Variants in MND1 observed in about 807,000 individuals in gnomAD.
MND1 encodes the protein meiotic nuclear divisions 1.
A neutral mutation model predicts 35.1 loss-of-function variants in MND1; 28 were observed. That is an observed-to-expected ratio of 0.80 (90% CI 0.59 to 1.09). The LOEUF is 1.09. Among genes scored for constraint, MND1 ranks in the 50% least tolerant of loss-of-function variants. The pLI, the probability that MND1 is intolerant of heterozygous loss-of-function variation, is 0.00. For missense variants in MND1, 213 were observed against 239.6 expected, an observed-to-expected ratio of 0.89 and a Z score of 0.73; for synonymous variants, 69 against 70.5, an observed-to-expected ratio of 0.98 and a Z score of 0.11.
At position 153,346,089 on chromosome 4, in the gene MND1, A is replaced by G. The variant is rs1336975963; in HGVS notation, c.3+1349A>G. ...TAAGATGTGGACTTCCTATTTTTTA[A>G]TATGTGATCGAGAAATAAATTTAGT... On this transcript the variant is annotated intron_variant, in intron 1 of 7. Coordinates refer to ENST00000240488, the MANE Select transcript of MND1 (RefSeq NM_032117.4). Among the ~76,000 whole-genome samples the G allele has an allele frequency of 2.0e-5, 3 of 152,238 alleles. No individual in the cohort carries two copies. The East Asian group carries it at 5.8e-4, about 29-fold the overall frequency.
At position 153,348,139 on chromosome 4, in the gene MND1, A is replaced by C. The variant is rs535946803; in HGVS notation, c.4-1925A>C. 2.0e-5 allele frequency among the ~76,000 whole-genome samples: 3 copies of C among 152,328 alleles called. No homozygotes were observed. In the South Asian group the frequency reaches 6.2e-4, roughly 32 times the overall value. ...CCTGAATGAGGCAGTGGTAGTAGAG[A>C]TAGAACAGACAGGACAGATAAGAGA... On this transcript the variant is annotated intron_variant, in intron 1 of 7. Transcript: ENST00000240488.
chr4:153,411,784 A>G (rs934707314), intron 7 of MND1, among the ~76,000 whole-genome samples: 1 of 152,152 alleles, frequency 6.6e-6, no homozygotes, highest in African/African-American at 2.4e-5. Context: ...CATGAAGCCT[A>G]TCCTGTAAGC....
Position 153,408,999 on chromosome 4 carries a change from TG to T in MND1, c.496del (p.Ala166LeufsTer11). 1 of 1,394,084 alleles carries T rather than the reference TG, an allele frequency of 7.2e-7. No individual in the cohort carries two copies. Among genetic ancestry groups the T allele is most frequent in the South Asian group, 2.0e-5 (1 of 50,536 alleles). 86.4% of individuals were successfully genotyped at this position (1,394,084 alleles called of 1,614,324 possible). A position where few individuals can be genotyped will look rare whatever the true frequency, so the allele number is the denominator to read the frequency against. The stretch of plus-strand genomic sequence containing the variant: ...AAGCAAATAAAGTAGCCAAAGAAGC[TG>T]CTAACAGATGGACTGGTATGTACTA... ...RQANKVAKEA[A>X]NRWTDNIFAI... On this transcript the variant is annotated frameshift_variant, in exon 7 of 8. Coordinates refer to ENST00000240488, the MANE Select transcript of MND1 (RefSeq NM_032117.4). LOFTEE classifies it high-confidence loss of function.
intron 4 of MND1, among the ~76,000 whole-genome samples, chr4:153,391,352 A>G (rs551455252): frequency 1.4e-4 from 22 of 151,990 alleles, no homozygotes; most frequent in Non-Finnish European, 2.2e-4. Context: ...TAGTAGAGAC[A>G]GGGTTTCCCC....
At chr4:153,357,213 T>A (rs1327945728) in intron 3 of MND1, among the ~76,000 whole-genome samples, 2 of 152,216 alleles carry the variant, frequency 1.3e-5, no homozygotes, top group African/African-American at 4.8e-5. Flanking sequence ...TACATACAAG[T>A]GAAACCAGAC....
chr4:153,390,739 T>C (rs1417758786), intron 4 of MND1, among the ~76,000 whole-genome samples: 1 of 151,992 alleles, frequency 6.6e-6, no homozygotes, highest in African/African-American at 2.4e-5. Context: ...TTCCAGCTAC[T>C]TGGGAGGCTG....
At chr4:153,363,731 T>C (rs1231396551) in intron 4 of MND1, among the ~76,000 whole-genome samples, 2 of 152,160 alleles carry the variant, frequency 1.3e-5, no homozygotes, top group Non-Finnish European at 2.9e-5. Context: ...AGTTCGGACC[T>C]ACCTAAGAGG....
chr4:153,409,515 C>T (rs115294091), intron 7 of MND1, among the ~76,000 whole-genome samples: 2,094 of 152,062 alleles, frequency 0.014, 47 homozygotes, highest in African/African-American at 0.048. Context: ...AAAACTAAGA[C>T]CCTCAGGAGT....
At chr4:153,350,240 T>C (rs1773181081) in intron 2 of MND1, 111 bp downstream of exon 2, 2 of 720,044 alleles carry the variant, frequency 2.8e-6, no homozygotes, top group Non-Finnish European at 4.6e-6. Flanking sequence ...ATCAATTTCT[T>C]GAAGAATGGG....
chr4:153,346,675 G>A (rs1455765792), intron 1 of MND1, among the ~76,000 whole-genome samples: 3 of 152,196 alleles, frequency 2.0e-5, no homozygotes, highest in Non-Finnish European at 4.4e-5. Context: ...GGATGATACA[G>A]CTCATCCACA....
chr4:153,358,501 A>G lies in MND1; in HGVS notation c.155A>G (p.Gln52Arg). 1 of 1,607,244 alleles carries G rather than the reference A, an allele frequency of 6.2e-7. No homozygotes were observed. Residue 52 changes from glutamine (Q) to arginine (R), a missense_variant, in exon 4 of 8, where the codon CAA becomes CGA. Transcript: ENST00000240488. Reference sequence around the variant, plus strand: ...GCTATGTCAGTAAAAGAAGTCCTTCAAAGCTTAGTTGATGATGGTATGGTT... The same window carrying G: ...GCTATGTCAGTAAAAGAAGTCCTTCGAAGCTTAGTTGATGATGGTATGGTT... ...ITAMSVKEVL[Q>R]SLVDDGMVDC...
At chr4:153,355,076 ATTGT>A (rs975146029) in intron 2 of MND1, among the ~76,000 whole-genome samples, 73 of 152,202 alleles carry the variant, frequency 4.8e-4, no homozygotes, top group African/African-American at 1.7e-3. Flanking sequence ...AAGTGGGATG[ATTGT>A]TTGAGCCCTG....
At chr4:153,407,094 C>A (rs1375462604) in intron 6 of MND1, among the ~76,000 whole-genome samples, 3 of 152,220 alleles carry the variant, frequency 2.0e-5, no homozygotes, top group Admixed American at 6.5e-5. Context: ...GTGGGTGTTA[C>A]AATTCAAGAT....
chr4:153,357,741 A>G (rs929991997), intron 3 of MND1, among the ~76,000 whole-genome samples: 1 of 152,236 alleles, frequency 6.6e-6, no homozygotes, highest in Non-Finnish European at 1.5e-5. Flanking sequence ...AGGATCAAAA[A>G]CAAAAAACAA....
At chr4:153,366,757 T>A (rs1773645496) in intron 4 of MND1, among the ~76,000 whole-genome samples, 1 of 152,230 alleles carries the variant, frequency 6.6e-6, no homozygotes, top group Non-Finnish European at 1.5e-5. Context: ...TAATAACTGG[T>A]ATTTATTGAG....
Position 153,358,486 on chromosome 4 carries a change from T to TA in MND1, c.144dup (p.Glu49ArgfsTer8). ...AATTGTCTCTTAGCTGCTATGTCAGTAAAAGAAGTCCTTCAAAGCTTAGTT... is the reference window on the plus strand; with the variant it reads ...AATTGTCTCTTAGCTGCTATGTCAGTAAAAAGAAGTCCTTCAAAGCTTAGTT... On this transcript the variant is annotated frameshift_variant, in exon 4 of 8. Coordinates refer to ENST00000240488, the MANE Select transcript of MND1 (RefSeq NM_032117.4). LOFTEE classifies it high-confidence loss of function. 6.2e-7 allele frequency: 1 copy of TA among 1,600,650 alleles called. No homozygotes were observed. Among genetic ancestry groups the TA allele is most frequent in the Non-Finnish European group, 8.5e-7 (1 of 1,174,270 alleles).
intron 4 of MND1, among the ~76,000 whole-genome samples, chr4:153,379,849 CAAAAAAAAAAAAAAA>C (rs34034237): frequency 1.6e-5 from 1 of 62,488 alleles, no homozygotes; most frequent in Non-Finnish European, 3.1e-5. Flanking sequence ...GACTCCATCT[CAAAAAAAAAAAAAAA>C]AAAAAAAAAA....
rs141119022 is a variant in MND1 at position 153,372,998 on chromosome 4, A to T, written c.276+14376A>T. On this transcript the variant is annotated intron_variant, in intron 4 of 7. Transcript: ENST00000240488. Reference sequence around the variant, plus strand: ...TACATAGGAACTCTTTCTTTTGAGTAACTCTTTCTATAGGAAATCTTTTTT... The same window carrying T: ...TACATAGGAACTCTTTCTTTTGAGTTACTCTTTCTATAGGAAATCTTTTTT... Among the ~76,000 whole-genome samples, 242 of 151,842 alleles carry T rather than the reference A, an allele frequency of 1.6e-3. 1 individual carries two copies. Among genetic ancestry groups the T allele is most frequent in the African/African-American group, 5.6e-3 (234 of 41,442 alleles).
intron 2 of MND1, among the ~76,000 whole-genome samples, chr4:153,351,028 T>C (rs1348083081): frequency 1.3e-5 from 2 of 151,858 alleles, no homozygotes; most frequent in African/African-American, 4.8e-5. Flanking sequence ...TAAAAGTCAT[T>C]GGCAATTCAG....
Sources: gnomAD v4.1 joint callset for allele counts (sites outside exome capture counted in the v4.1 genomes callset) on GRCh38, gnomAD v4.1.1 for gene constraint, MANE v1.5 for transcripts, NCBI Gene and HGNC (gene_info 2026-07-23, HGNC 2026-07-21) for gene names.